SPOCK1: variants seen among roughly 807,000 people sequenced by gnomAD.
SPOCK1 encodes SPARC (osteonectin), cwcv and kazal like domains proteoglycan 1, also known as testican-1.
SPOCK1 carries 23 observed loss-of-function variants against 55.3 expected under a neutral mutation model. The observed-to-expected ratio is 0.42, with a 90% confidence interval of 0.30 to 0.59. The LOEUF is 0.59. SPOCK1 is among the 20% of genes least tolerant of loss of function. The pLI, the probability that SPOCK1 is intolerant of heterozygous loss-of-function variation, is 0.22. For synonymous variants in SPOCK1, 226 were observed against 221.0 expected (o/e 1.02, Z -0.20); for missense variants, 499 against 552.5 (o/e 0.90, Z 0.97).
chr5:137,374,464 G>A (rs983826080), intron 2 of SPOCK1, among the ~76,000 whole-genome samples: 3 of 152,280 alleles, frequency 2.0e-5, no homozygotes, highest in South Asian at 2.1e-4. Context: ...CATGATGAGC[G>A]ATGCACCTGC....
In SPOCK1 at chr5:137,270,724, C is replaced by T. The variant is rs564567267; in HGVS notation, c.187-3669G>A. Among the ~76,000 whole-genome samples, 23 of 152,240 alleles carry T rather than the reference C, an allele frequency of 1.5e-4. No individual in the cohort carries two copies. The South Asian group carries it at 4.4e-3, about 29-fold the overall frequency. On this transcript the variant is annotated intron_variant, in intron 2 of 10. Transcript: ENST00000394945. ...AACTCTCATGAAAAGTTGACATGGC[C>T]AGGCCCAGTGGCTCACACCTGTAAT...
chr5:137,288,843 A>G (rs1561494312), intron 2 of SPOCK1, among the ~76,000 whole-genome samples: 1 of 152,216 alleles, frequency 6.6e-6, no homozygotes, highest in South Asian at 2.1e-4. Context: ...TGTTGACTTC[A>G]TTGATTTATT....
At chr5:137,135,847 A>C (rs1753973734) in intron 4 of SPOCK1, among the ~76,000 whole-genome samples, 1 of 152,166 alleles carries the variant, frequency 6.6e-6, no homozygotes, top group African/African-American at 2.4e-5. Flanking sequence ...CTGAATAGTA[A>C]TCCATTATGA....
In SPOCK1 at chr5:137,095,515, G is replaced by A. The variant is rs1336493916; in HGVS notation, c.474+16920C>T. On this transcript the variant is annotated intron_variant, in intron 5 of 10. Transcript: ENST00000394945. The stretch of plus-strand genomic sequence containing the variant: ...GGCAAGGAACAACCTTTTTGTGAGT[G>A]TTGGTTACCTCTTCTGTAAAAATGA... Among the ~76,000 whole-genome samples the A allele has an allele frequency of 2.0e-5, 3 of 152,202 alleles. No homozygotes were observed. In the East Asian group the frequency reaches 5.8e-4, roughly 29 times the overall value.
At chr5:137,302,540 G>T (rs893649310) in intron 2 of SPOCK1, among the ~76,000 whole-genome samples, 1 of 151,762 alleles carries the variant, frequency 6.6e-6, no homozygotes, top group Non-Finnish European at 1.5e-5. Flanking sequence ...TTGTGCCATT[G>T]CACTCCAGCC....
At chr5:137,216,482 G>A (rs1044573662) in intron 3 of SPOCK1, among the ~76,000 whole-genome samples, 7 of 152,146 alleles carry the variant, frequency 4.6e-5, no homozygotes, top group Non-Finnish European at 5.9e-5. Context: ...AGGCCAAGGC[G>A]GGTGGATCAC....
At chr5:137,457,996 A>T (rs573542389) in intron 2 of SPOCK1, among the ~76,000 whole-genome samples, 4 of 152,324 alleles carry the variant, frequency 2.6e-5, no homozygotes, top group African/African-American at 9.6e-5. Context: ...ACAAGCAGGG[A>T]CTTAAAGGAA....
At chr5:137,379,852 C>T (rs541725220) in intron 2 of SPOCK1, among the ~76,000 whole-genome samples, 2 of 152,280 alleles carry the variant, frequency 1.3e-5, no homozygotes, top group African/African-American at 2.4e-5. Context: ...TCCAAATAAA[C>T]TCATCTCTCA....
chr5:137,180,917 G>A lies in SPOCK1; in HGVS notation c.233-40223C>T, dbSNP rs117070732. 2.0e-4 allele frequency among the ~76,000 whole-genome samples: 30 copies of A among 152,296 alleles called. 1 individual carries two copies. In the East Asian group the frequency reaches 5.6e-3, roughly 28 times the overall value. ...GGGTGATAAGTGGATGGCTTGGCCA[G>A]CTTTGTCTTGGAATCGAATCCAATC... On this transcript the variant is annotated intron_variant, in intron 3 of 10. Coordinates refer to ENST00000394945, the MANE Select transcript of SPOCK1 (RefSeq NM_004598.4).
chr5:137,183,016 G>GGCAATAACTGAA (rs1478135901), intron 3 of SPOCK1, among the ~76,000 whole-genome samples: 2 of 152,150 alleles, frequency 1.3e-5, no homozygotes, highest in African/African-American at 4.8e-5. Context: ...CTATCTGAAT[G>GGCAATAACTGAA]GCAATAACTG....
At chr5:137,223,503 G>A (rs1481725719) in intron 3 of SPOCK1, among the ~76,000 whole-genome samples, 1 of 152,084 alleles carries the variant, frequency 6.6e-6, no homozygotes, top group Non-Finnish European at 1.5e-5. Context: ...CTACGTAGTT[G>A]GCTGTCTTAA....
intron 2 of SPOCK1, among the ~76,000 whole-genome samples, chr5:137,440,593 CT>C (rs1192194625): frequency 1.3e-5 from 2 of 152,184 alleles, no homozygotes; most frequent in East Asian, 1.9e-4. Context: ...ATAACTGTAC[CT>C]TTGCTACGAG....
chr5:137,347,050 C>T (rs1750573111), intron 2 of SPOCK1, among the ~76,000 whole-genome samples: 1 of 152,160 alleles, frequency 6.6e-6, no homozygotes, highest in Admixed American at 6.5e-5. Context: ...CACTTACCTC[C>T]CCTGCAGCGT....
chr5:137,313,235 C>T (rs901590415), intron 2 of SPOCK1, among the ~76,000 whole-genome samples: 1 of 152,156 alleles, frequency 6.6e-6, no homozygotes, highest in East Asian at 1.9e-4. Flanking sequence ...AAGCATTATA[C>T]TTTTGGAGCA....
chr5:137,022,080 G>A lies in SPOCK1; in HGVS notation c.590-29480C>T, dbSNP rs571057872. 2.9e-4 allele frequency among the ~76,000 whole-genome samples: 44 copies of A among 152,130 alleles called. No individual in the cohort carries two copies. The South Asian group carries it at 7.9e-3, about 27-fold the overall frequency. ...TTTACTTGGACAGAGCTTTGTGACC[G>A]ACCTACAGAGTATGGAAGGACTGAT... On this transcript the variant is annotated intron_variant, in intron 6 of 10. Coordinates refer to ENST00000394945, the MANE Select transcript of SPOCK1 (RefSeq NM_004598.4).
intron 2 of SPOCK1, among the ~76,000 whole-genome samples, chr5:137,324,266 G>A (rs1758033664): frequency 6.6e-6 from 1 of 152,136 alleles, no homozygotes; most frequent in East Asian, 1.9e-4. Flanking sequence ...CCAACATAGT[G>A]AAACCCCATC....
chr5:137,067,067 A>G (rs191619348), intron 6 of SPOCK1, among the ~76,000 whole-genome samples: 6 of 152,176 alleles, frequency 3.9e-5, no homozygotes, highest in South Asian at 2.1e-4. Context: ...ATTCCACAGA[A>G]GGCAAATTCA....
At chr5:137,236,922 GC>G (rs1561480396) in intron 3 of SPOCK1, among the ~76,000 whole-genome samples, 1 of 152,226 alleles carries the variant, frequency 6.6e-6, no homozygotes, top group Non-Finnish European at 1.5e-5. Flanking sequence ...CACCCTCACA[GC>G]CCCCAACCAA....
chr5:137,242,729 C>A (rs1378664214), intron 3 of SPOCK1, among the ~76,000 whole-genome samples: 2 of 152,056 alleles, frequency 1.3e-5, no homozygotes, highest in South Asian at 2.1e-4. Flanking sequence ...CAGGGTGAAA[C>A]CCTGTACCCC....
Sources: allele counts gnomAD v4.1 joint callset (sites outside exome capture counted in the v4.1 genomes callset), GRCh38; gene constraint gnomAD v4.1.1; transcripts MANE v1.5; gene names NCBI Gene and HGNC (gene_info 2026-07-23, HGNC 2026-07-21).